KCNIP4: variants seen among roughly 807,000 people sequenced by gnomAD.
KCNIP4 encodes Kv channel-interacting protein 4.
Under a neutral mutation model 34.0 loss-of-function variants are expected in KCNIP4, and 12 were observed. That is an observed-to-expected ratio of 0.35 (90% CI 0.23 to 0.57). The LOEUF (loss-of-function observed/expected upper bound fraction) is 0.57, where lower values mean the gene tolerates loss of function less well. Among genes scored for constraint, KCNIP4 ranks in the 20% least tolerant of loss-of-function variants. The pLI is 0.83. For missense variants in KCNIP4, 238 were observed against 311.7 expected, an observed-to-expected ratio of 0.76 and a Z score of 1.78; for synonymous variants, 124 against 102.2, an observed-to-expected ratio of 1.21 and a Z score of -1.29.
intron 1 of KCNIP4, among the ~76,000 whole-genome samples, chr4:21,556,930 A>AAAAAAAAAAAAAAAC (rs1553903108): frequency 1.2e-3 from 125 of 107,806 alleles, no homozygotes; most frequent in East Asian, 2.3e-3. Flanking sequence ...CAGAAAAAAA[A>AAAAAAAAAAAAAAAC]AAAAAAAAAA....
chr4:21,585,057 T>G (rs956622480), intron 1 of KCNIP4, among the ~76,000 whole-genome samples: 1 of 152,070 alleles, frequency 6.6e-6, no homozygotes, highest in Non-Finnish European at 1.5e-5. Flanking sequence ...TAGCACAGGA[T>G]TTGCCAAATA....
intron 1 of KCNIP4, among the ~76,000 whole-genome samples, chr4:20,978,013 T>C (rs1735656132): frequency 6.6e-6 from 1 of 152,204 alleles, no homozygotes; most frequent in South Asian, 2.1e-4. Context: ...TTCCACACAG[T>C]AATACATATT....
At chr4:20,864,025 C>T (rs978967434) in intron 2 of KCNIP4, among the ~76,000 whole-genome samples, 1 of 130,628 alleles carries the variant, frequency 7.7e-6, no homozygotes, top group African/African-American at 3.2e-5. Context: ...TGTATGTATA[C>T]ATACATATGT....
At chr4:20,840,237 C>G (rs1719556676) in intron 3 of KCNIP4, among the ~76,000 whole-genome samples, 1 of 152,126 alleles carries the variant, frequency 6.6e-6, no homozygotes, top group South Asian at 2.1e-4. Flanking sequence ...CCAAACATTA[C>G]CCCATGTGCC....
At chr4:21,643,526 G>A (rs1029926276) in intron 1 of KCNIP4, among the ~76,000 whole-genome samples, 10 of 151,974 alleles carry the variant, frequency 6.6e-5, no homozygotes, top group Non-Finnish European at 1.5e-5. Context: ...GTTAAATGAT[G>A]GTATCCAAAT....
chr4:20,984,920 C>T (rs1560622744), intron 1 of KCNIP4, among the ~76,000 whole-genome samples: 1 of 151,846 alleles, frequency 6.6e-6, no homozygotes, highest in South Asian at 2.1e-4. Flanking sequence ...TATTAAGAAG[C>T]CCAGGTGACT....
intron 1 of KCNIP4, among the ~76,000 whole-genome samples, chr4:21,503,883 C>G (rs1733571689): frequency 6.6e-6 from 1 of 152,184 alleles, no homozygotes; most frequent in South Asian, 2.1e-4. Context: ...ATATCAAAAA[C>G]AGCTTTCAGC....
chr4:21,782,615 T>C (rs1719639817), intron 1 of KCNIP4, among the ~76,000 whole-genome samples: 1 of 152,154 alleles, frequency 6.6e-6, no homozygotes, highest in South Asian at 2.1e-4. Flanking sequence ...AAAGGATCAT[T>C]TGAGCCCAGG....
chr4:21,012,212 G>T (rs1353300606), intron 1 of KCNIP4, among the ~76,000 whole-genome samples: 1 of 152,162 alleles, frequency 6.6e-6, no homozygotes, highest in African/African-American at 2.4e-5. Flanking sequence ...TATAGTAGGT[G>T]CTCAATAAAC....
intron 1 of KCNIP4, among the ~76,000 whole-genome samples, chr4:21,602,479 A>G (rs1488414556): frequency 6.6e-6 from 1 of 152,152 alleles, no homozygotes; most frequent in Non-Finnish European, 1.5e-5. Flanking sequence ...GATCAGAGTG[A>G]TGGAGCCTTA....
At chr4:21,754,406 A>G (rs1048785675) in intron 1 of KCNIP4, among the ~76,000 whole-genome samples, 1 of 152,206 alleles carries the variant, frequency 6.6e-6, no homozygotes, top group African/African-American at 2.4e-5. Flanking sequence ...AACTTGGTTA[A>G]TTCATTGCTG....
intron 1 of KCNIP4, among the ~76,000 whole-genome samples, chr4:21,066,235 T>C (rs1744370494): frequency 1.3e-5 from 2 of 152,152 alleles, no homozygotes; most frequent in South Asian, 4.1e-4. Context: ...ACCTATTTAC[T>C]GTGGCTTCCA....
chr4:21,451,616 T>C (rs1728511656), intron 1 of KCNIP4, among the ~76,000 whole-genome samples: 1 of 152,158 alleles, frequency 6.6e-6, no homozygotes, highest in Non-Finnish European at 1.5e-5. Context: ...ACTGCTGTTT[T>C]TGTAGATAAC....
Position 21,373,743 on chromosome 4 carries a change from T to G in KCNIP4, c.62-491034A>C, listed in dbSNP as rs989017189. Among the ~76,000 whole-genome samples the G allele has an allele frequency of 2.0e-5, 3 of 147,356 alleles. No homozygotes were observed. The South Asian group carries it at 6.3e-4, about 31-fold the overall frequency. Reference sequence around the variant, plus strand: ...ATTTTGTGATGGAGTTTCACTCTTGTTGCTCATGCTGGAGTGCAATGGCAT... The same window carrying G: ...ATTTTGTGATGGAGTTTCACTCTTGGTGCTCATGCTGGAGTGCAATGGCAT... On this transcript the variant is annotated intron_variant, in intron 1 of 8. Coordinates refer to ENST00000382152, the MANE Select transcript of KCNIP4 (RefSeq NM_025221.6).
chr4:21,194,686 G>T (rs1036373622), intron 1 of KCNIP4, among the ~76,000 whole-genome samples: 3 of 152,032 alleles, frequency 2.0e-5, no homozygotes, highest in Non-Finnish European at 4.4e-5. Context: ...ACCCCCATGC[G>T]CTTTGCCTTC....
intron 1 of KCNIP4, among the ~76,000 whole-genome samples, chr4:20,950,139 A>AC (rs1177062897): frequency 6.6e-6 from 1 of 151,134 alleles, no homozygotes; most frequent in African/African-American, 2.4e-5. Flanking sequence ...ATTAAAAAAA[A>AC]AAAAAAGAAA....
chr4:21,782,901 T>C (rs1315575332), intron 1 of KCNIP4, among the ~76,000 whole-genome samples: 1 of 151,972 alleles, frequency 6.6e-6, no homozygotes, highest in African/African-American at 2.4e-5. Flanking sequence ...TTATGCCTAC[T>C]GAAAAAAAGC....
intron 1 of KCNIP4, among the ~76,000 whole-genome samples, chr4:21,014,670 A>C (rs1739348921): frequency 6.6e-6 from 1 of 152,208 alleles, no homozygotes; most frequent in African/African-American, 2.4e-5. Flanking sequence ...GCTGGTTGAA[A>C]TGTAAAGTGG....
At chr4:21,249,601 C>T (rs1479788588) in intron 1 of KCNIP4, among the ~76,000 whole-genome samples, 1 of 151,888 alleles carries the variant, frequency 6.6e-6, no homozygotes, top group Admixed American at 6.6e-5. Context: ...GAGTAGGTAC[C>T]CATAATAATC....
Sources: gnomAD v4.1 joint callset for allele counts (sites outside exome capture counted in the v4.1 genomes callset) on GRCh38, gnomAD v4.1.1 for gene constraint, MANE v1.5 for transcripts, NCBI Gene and HGNC (gene_info 2026-07-23, HGNC 2026-07-21) for gene names.